The following DDX10 variants were observed in gnomAD, a reference collection of about 807,000 sequenced individuals.
The protein encoded by DDX10 is DEAD-box helicase 10.
DDX10 carries 74 observed loss-of-function variants against 104.3 expected under a neutral mutation model. The ratio of observed to expected loss-of-function variants is 0.71; its 90% CI spans 0.59 to 0.86. The LOEUF is 0.86. Ranked by LOEUF, DDX10 falls within the 40% of genes least tolerant of loss-of-function variation. The pLI, the probability that DDX10 is intolerant of heterozygous loss-of-function variation, is 0.00. For synonymous variants in DDX10, 351 were observed against 353.4 expected (o/e 0.99, Z 0.08); for missense variants, 952 against 1,040.0 (o/e 0.92, Z 1.16).
Position 108,750,506 on chromosome 11 carries a change from C to T in DDX10, c.1965+27044C>T, listed in dbSNP as rs541429010. 2.0e-5 allele frequency among the ~76,000 whole-genome samples: 3 copies of T among 152,230 alleles called. No individual in the cohort carries two copies. In the East Asian group the frequency reaches 5.8e-4, roughly 29 times the overall value. On this transcript the variant is annotated intron_variant, in intron 13 of 17. Transcript: ENST00000322536. ...CAGAAGTTCCCCCAACTCTCTTTCA[C>T]TCTCACCCTCTTCCTCTTGTCACAG...
At chr11:108,828,966 T>A (rs1460939645) in intron 13 of DDX10, among the ~76,000 whole-genome samples, 1 of 152,218 alleles carries the variant, frequency 6.6e-6, no homozygotes, top group Non-Finnish European at 1.5e-5. Context: ...GCCTGGCCTA[T>A]CCACATTTCT....
rs140582815 is a variant in DDX10 at position 108,814,222 on chromosome 11, A to T, written c.1966-24224A>T. Among the ~76,000 whole-genome samples the T allele has an allele frequency of 3.8e-3, 576 of 152,308 alleles. 9 individuals are homozygous for T. Among genetic ancestry groups the T allele is most frequent in the African/African-American group, 0.013 (549 of 41,582 alleles). On this transcript the variant is annotated intron_variant, in intron 13 of 17. Transcript: ENST00000322536. ...AGGCTAAGAGATGGTAGGTCTTTGT[A>T]TTGTAAATGAAACATGGCCTTGTCT...
At chr11:108,826,951 A>ATT (rs1862403822) in intron 13 of DDX10, among the ~76,000 whole-genome samples, 1 of 152,260 alleles carries the variant, frequency 6.6e-6, no homozygotes, top group Non-Finnish European at 1.5e-5. Flanking sequence ...CGAAAGGCAA[A>ATT]TATTGAGTCA....
chr11:108,674,587 T>C (rs2094221467), intron 2 of DDX10, among the ~76,000 whole-genome samples: 1 of 152,054 alleles, frequency 6.6e-6, no homozygotes, highest in Non-Finnish European at 1.5e-5. Flanking sequence ...CTTAGCTCAC[T>C]GCATCCTCAG....
intron 7 of DDX10, chr11:108,690,785 TG>T: frequency 3.9e-6 from 1 of 255,446 alleles, no homozygotes; most frequent in Non-Finnish European, 7.9e-6. Context: ...TCCAGGGACT[TG>T]GTCTTCATGT....
intron 10 of DDX10, among the ~76,000 whole-genome samples, chr11:108,710,179 A>T (rs1406303821): frequency 1.3e-5 from 2 of 152,178 alleles, no homozygotes. Context: ...TCTGGGTGTC[A>T]GTGAGTGGTG....
intron 13 of DDX10, among the ~76,000 whole-genome samples, chr11:108,812,486 T>C (rs1403771440): frequency 6.6e-6 from 1 of 152,192 alleles, no homozygotes; most frequent in African/African-American, 2.4e-5. Flanking sequence ...ATTAGATATG[T>C]CACCTCTCTG....
At chr11:108,816,555 CTTTT>C (rs35878699) in intron 13 of DDX10, among the ~76,000 whole-genome samples, 2 of 137,384 alleles carry the variant, frequency 1.5e-5, no homozygotes, top group Non-Finnish European at 1.5e-5. Context: ...TAAAAATAGC[CTTTT>C]TTTTTTTTTT....
intron 13 of DDX10, among the ~76,000 whole-genome samples, chr11:108,734,125 A>G (rs1045462367): frequency 6.6e-6 from 1 of 152,058 alleles, no homozygotes; most frequent in African/African-American, 2.4e-5. Flanking sequence ...TTGACATTTC[A>G]TAATGTAGCC....
At chr11:108,900,563 ATTAG>A (rs1863504505) in intron 16 of DDX10, among the ~76,000 whole-genome samples, 1 of 152,318 alleles carries the variant, frequency 6.6e-6, no homozygotes, top group African/African-American at 2.4e-5. Flanking sequence ...CTTTAGAGTC[ATTAG>A]TTAGTTATTA....
intron 13 of DDX10, among the ~76,000 whole-genome samples, chr11:108,777,683 G>C (rs1369576624): frequency 6.6e-6 from 1 of 152,174 alleles, no homozygotes; most frequent in African/African-American, 2.4e-5. Context: ...AGTGTTGGAA[G>C]TTCTGGCCAG....
At chr11:108,722,259 G>C (rs111264314) in intron 12 of DDX10, among the ~76,000 whole-genome samples, 1 of 152,078 alleles carries the variant, frequency 6.6e-6, no homozygotes, top group Non-Finnish European at 1.5e-5. Flanking sequence ...ATGTTATGAT[G>C]TTACTGTTTA....
chr11:108,768,978 A>T (rs930738087), intron 13 of DDX10, among the ~76,000 whole-genome samples: 36 of 152,082 alleles, frequency 2.4e-4, no homozygotes, highest in African/African-American at 7.7e-4. Flanking sequence ...TGAAATGTTG[A>T]TTGGGTATGA....
At position 108,940,331 on chromosome 11, in the gene DDX10, G is replaced by A. The variant is rs1864091824; in HGVS notation, c.2536G>A (p.Ala846Thr). 7 of 1,613,948 alleles carry A rather than the reference G, an allele frequency of 4.3e-6. No individual in the cohort carries two copies. Among genetic ancestry groups the A allele is most frequent in the Non-Finnish European group, 5.1e-6 (6 of 1,180,028 alleles). Residue 846 changes from alanine (A) to threonine (T), a missense_variant, in exon 18 of 18, where the codon GCC becomes ACC. Physicochemically the swap from Ala to Thr is moderately conservative, Grantham distance 58. Around this residue, in one of 3 missense-constraint regions of DDX10, gnomAD observed 533 missense variants for 534.1 expected, o/e 1.00. Coordinates refer to ENST00000322536, the MANE Select transcript of DDX10 (RefSeq NM_004398.4). ...ACCAACAAGTCATAACAGAAAGAAG[G>A]CCAGGTGGGACACTTTAGAGCCTTT... ...VGPTSHNRKK[A>T]RWDTLEPLDT...
intron 16 of DDX10, among the ~76,000 whole-genome samples, chr11:108,904,664 A>T (rs1863566559): frequency 6.6e-6 from 1 of 152,106 alleles, no homozygotes; most frequent in African/African-American, 2.4e-5. Flanking sequence ...CATGCACATG[A>T]CTGAAAACCC....
intron 17 of DDX10, among the ~76,000 whole-genome samples, chr11:108,927,563 A>G (rs928222767): frequency 2.6e-5 from 4 of 152,188 alleles, no homozygotes; most frequent in African/African-American, 9.7e-5. Context: ...GAGAGAAGTT[A>G]ACAGATTTTC....
chr11:108,706,577 G>A (rs2094276469), intron 9 of DDX10, among the ~76,000 whole-genome samples, 162 bp from the exon 10 acceptor site: 1 of 152,088 alleles, frequency 6.6e-6, no homozygotes, highest in Non-Finnish European at 1.5e-5. Context: ...AATGATATGA[G>A]GTGTTCAGAG....
intron 13 of DDX10, among the ~76,000 whole-genome samples, chr11:108,723,783 A>T (rs907615352): frequency 6.6e-6 from 1 of 152,166 alleles, no homozygotes; most frequent in Non-Finnish European, 1.5e-5. Flanking sequence ...TGGCATGAGG[A>T]TCCTTCGTTA....
chr11:108,681,022 CAATTAACAATT>C lies in DDX10; in HGVS notation c.848+1465_848+1475del, dbSNP rs1248861147. 2.0e-5 allele frequency among the ~76,000 whole-genome samples: 3 copies of C among 152,176 alleles called. No individual in the cohort carries two copies. In the East Asian group the frequency reaches 5.8e-4, roughly 29 times the overall value. On this transcript the variant is annotated intron_variant, in intron 6 of 17. Transcript: ENST00000322536. ...GAGATAGCTATGAAAATTTTTGTGA[CAATTAACAATT>C]AACTTGAAAATGTAAAGACTGCTTG...
Sources: allele counts gnomAD v4.1 joint callset (sites outside exome capture counted in the v4.1 genomes callset), GRCh38; gene constraint gnomAD v4.1.1; regional missense constraint gnomAD v4.1.1; transcripts MANE v1.5; gene names NCBI Gene and HGNC (gene_info 2026-07-23, HGNC 2026-07-21).